Variants in UBXN11 observed in about 807,000 individuals in gnomAD.
UBXN11 encodes the protein UBX domain protein 11, also known as UBX domain-containing protein 11.
Under a neutral mutation model 62.8 loss-of-function variants are expected in UBXN11, and 47 were observed. The observed-to-expected ratio is 0.75, with a 90% CI of 0.59 to 0.95. UBXN11 has a LOEUF of 0.95. UBXN11 is among the 40% of genes least tolerant of loss of function. UBXN11 has a pLI of 0.00. For synonymous variants in UBXN11, 294 were observed against 267.0 expected, an observed-to-expected ratio of 1.10 and a Z score of -0.99; for missense variants, 638 against 661.7, an observed-to-expected ratio of 0.96 and a Z score of 0.39.
chr1:26,296,067 G>A (rs1037805507), intron 7 of UBXN11, among the ~76,000 whole-genome samples: 3 of 152,212 alleles, frequency 2.0e-5, no homozygotes, highest in Admixed American at 1.3e-4. Flanking sequence ...AATTAGATTG[G>A]GACTTTGGAA....
rs960511811 is a variant in UBXN11 at position 26,284,841 on chromosome 1, T to C, written c.853-359A>G. 19 of 1,040,762 alleles carry C rather than the reference T, an allele frequency of 1.8e-5. No homozygotes were observed. The East Asian group carries it at 1.5e-3, about 81-fold the overall frequency. The allele number at this position is 1,040,762 out of a possible 1,614,324, so 64.5% of individuals were successfully genotyped here. Reference sequence around the variant, plus strand: ...AAACCGCATCATCGTACATGTAACCTCACTTGCCTTATCAAGGCATAGCTC... The same window carrying C: ...AAACCGCATCATCGTACATGTAACCCCACTTGCCTTATCAAGGCATAGCTC... On this transcript the variant is annotated intron_variant, in intron 10 of 14. Coordinates refer to ENST00000374222, the MANE Select transcript of UBXN11 (RefSeq NM_001389556.1).
At chr1:26,305,572 A>T (rs2073646751) in intron 1 of UBXN11, among the ~76,000 whole-genome samples, 1 of 152,066 alleles carries the variant, frequency 6.6e-6, no homozygotes, top group Non-Finnish European at 1.5e-5. Flanking sequence ...CACACTGCAC[A>T]TTTCATATAA....
intron 8 of UBXN11, among the ~76,000 whole-genome samples, chr1:26,289,789 G>A (rs3924324): frequency 0.16 from 23,709 of 152,224 alleles, 1,968 homozygotes; most frequent in Middle Eastern, 0.2. Flanking sequence ...CTGCACAAGT[G>A]CCCAGGGCAC....
intron 1 of UBXN11, among the ~76,000 whole-genome samples, chr1:26,312,607 C>G (rs754333738): frequency 2.0e-4 from 31 of 152,154 alleles, no homozygotes; most frequent in Middle Eastern, 6.8e-3. Flanking sequence ...CCCTGCTGGA[C>G]TATAAATTCC....
chr1:26,305,895 G>A (rs1285464343), intron 1 of UBXN11, among the ~76,000 whole-genome samples: 1 of 152,126 alleles, frequency 6.6e-6, no homozygotes, highest in Non-Finnish European at 1.5e-5. Flanking sequence ...GTCCTAGTGG[G>A]ACTCTCACTG....
intron 8 of UBXN11, among the ~76,000 whole-genome samples, chr1:26,289,011 C>T (rs1488328236): frequency 1.3e-5 from 2 of 152,144 alleles, no homozygotes; most frequent in Non-Finnish European, 1.5e-5. Context: ...GAGGCCTCAT[C>T]CAACTTTGAG....
At chr1:26,283,014 TC>T in intron 12 of UBXN11, 77 bp from the exon 13 acceptor site, 5 of 1,584,988 alleles carry the variant, frequency 3.2e-6, no homozygotes, top group Non-Finnish European at 4.3e-6. Flanking sequence ...GAGGGACACT[TC>T]CTTGACCAGG....
Position 26,282,748 on chromosome 1 carries a change from A to C in UBXN11, c.1193T>G (p.Met398Arg), listed in dbSNP as rs762678285. Residue 398 changes from methionine to arginine, a missense_variant, in exon 14 of 15, where the codon ATG becomes AGG. Met to Arg is a moderately conservative substitution (Grantham distance 91). Coordinates refer to ENST00000374222, the MANE Select transcript of UBXN11 (RefSeq NM_001389556.1). ...CCCATTCTCAGACTTGATGCGCAGC[A>C]TGGAGAGCGGGGGTGCCGGCGTGTT... ...SPNTPAPPLS[M>R]LRIKSENGEQ... 1 of 1,614,178 alleles carries C rather than the reference A, an allele frequency of 6.2e-7. No homozygotes were observed. The highest frequency in any genetic ancestry group is 1.7e-5 in the Admixed American group (1 of 60,034).
Position 26,282,430 on chromosome 1 carries a change from T to C in UBXN11, c.1432A>G (p.Ser478Gly). 1 of 1,607,716 alleles carries C rather than the reference T, an allele frequency of 6.2e-7. No homozygotes were observed. Among genetic ancestry groups the C allele is most frequent in the African/African-American group, 1.3e-5 (1 of 74,336 alleles). ...LLRARRAPKS[S>G]LKFSPGPCPG... Reference sequence around the variant, plus strand: ...CAGGGACCAGGACTGAATTTCAGGCTGGACTTCGGGGCTCGGCGTGCCCGC... The same window carrying C: ...CAGGGACCAGGACTGAATTTCAGGCCGGACTTCGGGGCTCGGCGTGCCCGC... Residue 478 changes from serine (S) to glycine (G), a missense_variant, in exon 15 of 15, where the codon AGC becomes GGC. Transcript: ENST00000374222.
chr1:26,284,245 C>T lies in UBXN11; in HGVS notation c.974G>A (p.Gly325Asp), dbSNP rs1370266785. Residue 325 changes from glycine to aspartate, a missense_variant and splice_region_variant, in exon 12 of 15, where the codon GGC (glycine) becomes GAC (aspartate). Coordinates refer to ENST00000374222, the MANE Select transcript of UBXN11 (RefSeq NM_001389556.1). ...AAATTTCTCAGCAGTCATCCTGGAGCCTACAGGCAGAGTTGGGAACCGGGG... is the reference window on the plus strand; with the variant it reads ...AAATTTCTCAGCAGTCATCCTGGAGTCTACAGGCAGAGTTGGGAACCGGGG... ...KALDRVEEHP[G>D]SRMTAEKFLN... The T allele has an allele frequency of 1.2e-6, 2 of 1,610,778 alleles. No homozygotes were observed. Among genetic ancestry groups the T allele is most frequent in the Admixed American group, 3.4e-5 (2 of 59,472 alleles).
chr1:26,286,453 C>G (rs2073136402), intron 8 of UBXN11, among the ~76,000 whole-genome samples: 1 of 152,238 alleles, frequency 6.6e-6, no homozygotes, highest in South Asian at 2.1e-4. Context: ...TCGAGGCCTT[C>G]TGGGTTCAAA....
intron 7 of UBXN11, among the ~76,000 whole-genome samples, chr1:26,295,305 C>T (rs1177713729): frequency 6.6e-6 from 1 of 152,094 alleles, no homozygotes; most frequent in East Asian, 1.9e-4. Context: ...TCTGCTGCCA[C>T]CACCCTAGTT....
intron 1 of UBXN11, among the ~76,000 whole-genome samples, chr1:26,315,753 G>C (rs1464283432): frequency 6.6e-6 from 1 of 152,016 alleles, no homozygotes; most frequent in African/African-American, 2.4e-5. Flanking sequence ...TCCTTCTCCC[G>C]GGTTCAAGTG....
intron 1 of UBXN11, among the ~76,000 whole-genome samples, chr1:26,304,256 T>C (rs1373111012): frequency 2.0e-5 from 3 of 151,816 alleles, no homozygotes; most frequent in Non-Finnish European, 4.4e-5. Flanking sequence ...AGGCCCAGAG[T>C]TTCTTCACCC....
intron 1 of UBXN11, chr1:26,317,919 C>T (rs2073815448): frequency 9.5e-7 from 1 of 1,047,828 alleles, no homozygotes; most frequent in Admixed American, 1.8e-5. Context: ...GCCTCCTCTG[C>T]CTCCTGGTTC....
intron 1 of UBXN11, among the ~76,000 whole-genome samples, chr1:26,314,290 T>A (rs1220022049): frequency 6.6e-6 from 1 of 152,218 alleles, no homozygotes; most frequent in Non-Finnish European, 1.5e-5. Context: ...TCCTGTTTAC[T>A]CTCACTCCCC....
At position 26,285,529 on chromosome 1, in the gene UBXN11, C is replaced by A; in HGVS notation, c.787G>T (p.Asp263Tyr). The change falls in exon 10 of 15, where the codon GAC (aspartate) becomes TAC (tyrosine). Residue 263 changes from aspartate (D) to tyrosine (Y), a missense_variant. Physicochemically the swap from Asp to Tyr is radical, Grantham distance 160 (BLOSUM62 -3). Transcript: ENST00000374222. The stretch of plus-strand genomic sequence containing the variant: ...GAGGGAAAGAAGCCATCCAATATGT[C>A]TCGGAGGCAGCGCTGCAAGGGAAGA... ...YDPSTQRCLRDILDGFFPSEL... is the reference protein window; with the variant it reads ...YDPSTQRCLRYILDGFFPSEL... 1 of 1,589,224 alleles carries A rather than the reference C, an allele frequency of 6.3e-7. No homozygotes were observed. The highest frequency in any genetic ancestry group is 8.6e-7 in the Non-Finnish European group (1 of 1,163,062).
chr1:26,302,826 G>A lies in UBXN11; in HGVS notation c.58C>T (p.Pro20Ser). 1 of 1,613,834 alleles carries A rather than the reference G, an allele frequency of 6.2e-7. No individual in the cohort carries two copies. The highest frequency in any genetic ancestry group is 8.5e-7 in the Non-Finnish European group (1 of 1,179,822). Residue 20 changes from proline to serine, a missense_variant, in exon 2 of 15, where the codon CCT becomes TCT. By Grantham distance (74) the Pro-to-Ser change is moderately conservative (BLOSUM62 -1). Transcript: ENST00000374222. ...CTGGCTCCTTACCCAGGATTCATAG[G>A]CTCCGAGGGCAGGGGCACTTTTCGG... The part of the protein sequence containing the change: ...KTRKVPLPSE[P>S]MNPGRRGIRI...
chr1:26,299,665 G>A (rs1014215240), intron 4 of UBXN11, among the ~76,000 whole-genome samples: 1 of 152,174 alleles, frequency 6.6e-6, no homozygotes, highest in Non-Finnish European at 1.5e-5. Flanking sequence ...GCAGTGGACA[G>A]TATAGGACAC....
Sources: allele counts gnomAD v4.1 joint callset (sites outside exome capture counted in the v4.1 genomes callset), GRCh38; gene constraint gnomAD v4.1.1; transcripts MANE v1.5; gene names NCBI Gene and HGNC (gene_info 2026-07-23, HGNC 2026-07-21).